The following CALCOCO2 variants were observed in gnomAD, a reference collection of about 807,000 sequenced individuals.
CALCOCO2 encodes the protein calcium-binding and coiled-coil domain-containing protein 2.
A neutral mutation model predicts 62.5 loss-of-function variants in CALCOCO2; 42 were observed. That is an observed-to-expected ratio of 0.67 (90% CI 0.53 to 0.87). CALCOCO2 has a LOEUF of 0.87. Among genes scored for constraint, CALCOCO2 ranks in the 40% least tolerant of loss-of-function variants. The pLI, the probability that CALCOCO2 is intolerant of heterozygous loss-of-function variation, is 0.00. For missense variants in CALCOCO2, 456 were observed against 515.0 expected (o/e 0.89, Z 1.11); for synonymous variants, 167 against 173.0 (o/e 0.97, Z 0.27).
Position 48,856,192 on chromosome 17 carries a change from G to C in CALCOCO2, c.1008+5G>C. On this transcript the variant is annotated splice_donor_5th_base_variant and intron_variant, in intron 10 of 12. Transcript: ENST00000258947. ...AGATTGGAAGGAGAAAATGATGTAA[G>C]TGTGTGAAAGAGGGTATAAAACCCC... 6.6e-7 allele frequency: 1 copy of C among 1,515,556 alleles called. No individual in the cohort carries two copies. The highest frequency in any genetic ancestry group is 9.2e-7 in the Non-Finnish European group (1 of 1,092,336). 93.9% of individuals were successfully genotyped at this position (1,515,556 alleles called of 1,614,324 possible). A position where few individuals can be genotyped will look rare whatever the true frequency, so the allele number is the denominator to read the frequency against.
At chr17:48,850,983 T>C in intron 5 of CALCOCO2, 106 bp from the exon 6 acceptor site, 1 of 682,804 alleles carries the variant, frequency 1.5e-6, no homozygotes. Context: ...TGTCATGCTA[T>C]GCCTGACATA....
At chr17:48,831,218 G>A (rs1395577494) in intron 1 of CALCOCO2, 140 bp downstream of exon 1, 1 of 152,520 alleles carries the variant, frequency 6.6e-6, no homozygotes, top group African/African-American at 2.4e-5. Flanking sequence ...GGTGATAGTG[G>A]GAGTGGTGTT....
intron 10 of CALCOCO2, among the ~76,000 whole-genome samples, chr17:48,857,078 A>G (rs564027745): frequency 5.3e-5 from 8 of 152,152 alleles, no homozygotes; most frequent in African/African-American, 1.9e-4. Flanking sequence ...CTGGGATTAC[A>G]GACATGACCC....
Position 48,860,460 on chromosome 17 carries a change from T to C in CALCOCO2, c.1144+11T>C. The C allele has an allele frequency of 6.2e-7, 1 of 1,612,540 alleles. No individual in the cohort carries two copies. Among genetic ancestry groups the C allele is most frequent in the South Asian group, 1.1e-5 (1 of 90,952 alleles). ...GAAACCCATATTCTGGTAAGACAAC[T>C]TTCCCATTCCAACTGGAAGGACCCT... is the stretch of plus-strand genomic sequence containing the variant. On this transcript the variant is annotated intron_variant, in intron 11 of 12. Coordinates refer to ENST00000258947, the MANE Select transcript of CALCOCO2 (RefSeq NM_005831.5).
intron 2 of CALCOCO2, chr17:48,843,964 A>G (rs537708711): frequency 6.6e-6 from 1 of 152,338 alleles, no homozygotes; most frequent in Non-Finnish European, 1.5e-5. Context: ...GCTCACCGCA[A>G]CCTCCGCCTC....
chr17:48,844,068 A>C (rs1303348757), intron 2 of CALCOCO2: 1 of 151,998 alleles, frequency 6.6e-6, no homozygotes, highest in Non-Finnish European at 1.5e-5. Flanking sequence ...TTTTTAGTAG[A>C]GATAGGGTTT....
chr17:48,852,306 C>A, intron 7 of CALCOCO2, 200 bp from the exon 8 acceptor site: 1 of 507,550 alleles, frequency 2.0e-6, no homozygotes. Context: ...GAATATAGAG[C>A]AGATAGCAGA....
intron 10 of CALCOCO2, among the ~76,000 whole-genome samples, chr17:48,857,015 T>A (rs1404108091): frequency 6.6e-6 from 1 of 151,754 alleles, no homozygotes; most frequent in Non-Finnish European, 1.5e-5. Flanking sequence ...TTGCCCAAGC[T>A]GCTCTCAAAC....
At chr17:48,846,443 G>A (rs1393056495) in intron 2 of CALCOCO2, 9 of 1,375,396 alleles carry the variant, frequency 6.5e-6, no homozygotes, top group Non-Finnish European at 9.0e-6. Context: ...CTTGACTTAG[G>A]CATTTAAATG....
At position 48,862,279 on chromosome 17, in the gene CALCOCO2, TC is replaced by T; in HGVS notation, c.1150del (p.Gln384LysfsTer78). The T allele has an allele frequency of 6.3e-7, 1 of 1,582,496 alleles. No homozygotes were observed. Among genetic ancestry groups the T allele is most frequent in the South Asian group, 1.1e-5 (1 of 90,490 alleles). On this transcript the variant is annotated frameshift_variant, in exon 12 of 13. Coordinates refer to ENST00000258947, the MANE Select transcript of CALCOCO2 (RefSeq NM_005831.5). LOFTEE classifies it low-confidence loss of function (END_TRUNC). ...GLAYGNPYSG[I>X]QESSSPSPLS... ...AGATCTTTTTTATTCTTTTCAGGTA[TC>T]CAAGAAAGTTCTTCCCCCAGCCCGG... is the stretch of plus-strand genomic sequence containing the variant.
At chr17:48,860,555 A>C in intron 11 of CALCOCO2, 106 bp downstream of exon 11, 2 of 973,108 alleles carry the variant, frequency 2.1e-6, no homozygotes, top group Non-Finnish European at 3.1e-6. Context: ...CATTGTTAAG[A>C]CTTGCTGGGC....
intron 1 of CALCOCO2, among the ~76,000 whole-genome samples, chr17:48,839,671 T>C (rs1013787773): frequency 2.2e-5 from 1 of 46,062 alleles, no homozygotes; most frequent in Admixed American, 1.7e-4. Flanking sequence ...TTTGCTTTGC[T>C]TTTTTTTTTT....
Position 48,853,124 on chromosome 17 carries a change from T to A in CALCOCO2, c.912+112T>A. 4 of 693,890 alleles carry A rather than the reference T, an allele frequency of 5.8e-6. No individual in the cohort carries two copies. In the South Asian group the frequency reaches 7.0e-5, roughly 12 times the overall value. The allele number at this position is 693,890 out of a possible 1,614,324, so 43.0% of individuals were successfully genotyped here. On this transcript the variant is annotated intron_variant, in intron 9 of 12. Transcript: ENST00000258947. ...CAGGATAAATAAGAGAGTGTTCACC[T>A]CTAGATGTTTTGCTTTCTAGCCAAA...
chr17:48,857,416 C>T (rs1285236091), intron 10 of CALCOCO2, among the ~76,000 whole-genome samples: 8 of 149,074 alleles, frequency 5.4e-5, no homozygotes, highest in African/African-American at 1.5e-4. Context: ...AGGCTGGTCT[C>T]GAACTCCTGA....
intron 11 of CALCOCO2, among the ~76,000 whole-genome samples, chr17:48,860,695 A>T (rs994725035): frequency 1.3e-5 from 2 of 152,240 alleles, no homozygotes; most frequent in African/African-American, 4.8e-5. Context: ...CCGTGGCTAT[A>T]TTCCAAATGT....
rs781559554 is a variant in CALCOCO2, at chr17:48,848,480, C to G, written c.417+25C>G. On this transcript the variant is annotated intron_variant, in intron 4 of 12. Transcript: ENST00000258947. ...GGTTTGTAAAACTTCTCACCTCAAT[C>G]CCTTACTGCCATTACGGGTAGCAAT... is the stretch of plus-strand genomic sequence containing the variant. The G allele has an allele frequency of 3.7e-6, 6 of 1,604,824 alleles. No homozygotes were observed. In the South Asian group the frequency reaches 5.5e-5, roughly 15 times the overall value.
rs531077417 is a variant in CALCOCO2 at position 48,857,700 on chromosome 17, C to T, written c.1008+1513C>T. ...TTAAAACACATAAAATTTGGCTGGG[C>T]GCGGTGGCTCACGCCTGTAATCCTA... On this transcript the variant is annotated intron_variant, in intron 10 of 12. Coordinates refer to ENST00000258947, the MANE Select transcript of CALCOCO2 (RefSeq NM_005831.5). Among the ~76,000 whole-genome samples, 6 of 148,926 alleles carry T rather than the reference C, an allele frequency of 4.0e-5. No homozygotes were observed. In the South Asian group the frequency reaches 6.5e-4, roughly 16 times the overall value.
At chr17:48,849,216 G>T in intron 4 of CALCOCO2, 36 bp from the exon 5 acceptor site, 1 of 1,608,646 alleles carries the variant, frequency 6.2e-7, no homozygotes, top group South Asian at 1.1e-5. Context: ...CTGCTAGAGG[G>T]ACTTGGAATA....
intron 8 of CALCOCO2, 23 bp downstream of exon 8, chr17:48,852,651 C>T (rs769246920): frequency 3.8e-6 from 6 of 1,599,040 alleles, no homozygotes; most frequent in Non-Finnish European, 5.1e-6. Context: ...GAGAAAACAA[C>T]ACTTTTAGGC....
Sources: gnomAD v4.1 joint callset for allele counts (sites outside exome capture counted in the v4.1 genomes callset) on GRCh38, gnomAD v4.1.1 for gene constraint, MANE v1.5 for transcripts, NCBI Gene and HGNC (gene_info 2026-07-23, HGNC 2026-07-21) for gene names.